CPXM2: variants seen among roughly 807,000 people sequenced by gnomAD.
CPXM2 encodes the protein inactive carboxypeptidase-like protein X2.
A neutral mutation model predicts 86.1 loss-of-function variants in CPXM2; 66 were observed. The observed-to-expected ratio is 0.77, with a 90% confidence interval of 0.63 to 0.94. The LOEUF (loss-of-function observed/expected upper bound fraction) is 0.94, where lower values mean the gene tolerates loss of function less well. Ranked by LOEUF, CPXM2 falls within the 40% of genes least tolerant of loss-of-function variation. The pLI is 0.00. For missense variants in CPXM2, 948 were observed against 1,026.3 expected (o/e 0.92, Z 1.04); for synonymous variants, 388 against 400.2 (o/e 0.97, Z 0.36).
upstream of CPXM2, among the ~76,000 whole-genome samples, chr10:123,895,115 TTTTTTC>T (rs1190958650): frequency 1.2e-3 from 142 of 122,630 alleles, no homozygotes; most frequent in African/African-American, 3.6e-3. Flanking sequence ...TTTTTTTCTT[TTTTTTC>T]TTTTTTTTTT....
Position 123,840,842 on chromosome 10 carries a change from A to T in CPXM2, c.653+1507T>A, listed in dbSNP as rs61863841. Among the ~76,000 whole-genome samples, 1,407 of 152,338 alleles carry T rather than the reference A, an allele frequency of 9.2e-3. 9 individuals are homozygous for T. The highest frequency in any genetic ancestry group is 0.015 in the Non-Finnish European group (1,004 of 68,032). On this transcript the variant is annotated intron_variant, in intron 4 of 13. Coordinates refer to ENST00000241305, the MANE Select transcript of CPXM2 (RefSeq NM_198148.3). Reference sequence around the variant, plus strand: ...GGGACAATGACAGGTGGTTAAATGTAAGCACAGATGCCAGGTCCATCTCAC... The same window carrying T: ...GGGACAATGACAGGTGGTTAAATGTTAGCACAGATGCCAGGTCCATCTCAC...
intron 1 of CPXM2, among the ~76,000 whole-genome samples, chr10:123,881,251 CCCTTCCCTTCCCTTT>C (rs1945087097): frequency 8.1e-6 from 1 of 123,950 alleles, no homozygotes; most frequent in East Asian, 2.0e-4. Flanking sequence ...CCCTTCCCTT[CCCTTCCCTTCCCTTT>C]ACGCTCAAGC....
Position 123,884,296 on chromosome 10 carries a change from C to A in CPXM2, c.305-3987G>T, listed in dbSNP as rs376742935. Among the ~76,000 whole-genome samples, 3 of 152,318 alleles carry A rather than the reference C, an allele frequency of 2.0e-5. No homozygotes were observed. In the East Asian group the frequency reaches 5.8e-4, roughly 29 times the overall value. ...CAGAATTGCAGCATTAAGGCTAAAT[C>A]ACCACAAACACACCAGATCTGCTGG... On this transcript the variant is annotated intron_variant, in intron 1 of 13. Coordinates refer to ENST00000241305, the MANE Select transcript of CPXM2 (RefSeq NM_198148.3).
intron 2 of CPXM2, among the ~76,000 whole-genome samples, chr10:123,868,948 G>A (rs2134209281): frequency 6.6e-6 from 1 of 152,250 alleles, no homozygotes; most frequent in African/African-American, 2.4e-5. Context: ...TCTGGTCCAA[G>A]GACCTGTCAA....
Position 123,891,462 on chromosome 10 carries a change from C to G in CPXM2, c.198G>C (p.Gly66=). The change falls in exon 1 of 14, where the codon GGG becomes GGC. Residue 66 remains glycine (G), a synonymous_variant. Transcript: ENST00000241305. This position sits in a 1 kb window ranked among gnomAD's most constrained non-coding sequence, Gnocchi z 5.6. ...TFSPPLPAGP[G]EEWERRPQEP... The stretch of plus-strand genomic sequence containing the variant: ...CCTGCGGGCGCCGCTCCCACTCCTC[C>G]CCGGGCCCCGCAGGCAGCGGCGGAG... 1 of 1,550,092 alleles carries G rather than the reference C, an allele frequency of 6.5e-7. No individual in the cohort carries two copies. Among genetic ancestry groups the G allele is most frequent in the Non-Finnish European group, 8.7e-7 (1 of 1,146,544 alleles).
Position 123,754,611 on chromosome 10 carries a change from A to T in CPXM2, c.2017+52T>A, listed in dbSNP as rs561237317. On this transcript the variant is annotated intron_variant, in intron 13 of 13. Transcript: ENST00000241305. The surrounding 1 kb of genome is among the most constrained non-coding windows in gnomAD (Gnocchi z 4.0). ...TGATTGTAACCCAAGTAAAATGCCT[A>T]AAAAAATGGGTATTTCTTACCAAGA... 24 of 991,668 alleles carry T rather than the reference A, an allele frequency of 2.4e-5. No individual in the cohort carries two copies. Among genetic ancestry groups the T allele is most frequent in the East Asian group, 2.2e-4 (9 of 41,500 alleles). The allele number at this position is 991,668 out of a possible 1,614,324, so 61.4% of individuals were successfully genotyped here.
intron 6 of CPXM2, among the ~76,000 whole-genome samples, chr10:123,797,362 T>C (rs1178330269): frequency 1.3e-5 from 2 of 152,224 alleles, no homozygotes; most frequent in East Asian, 1.9e-4. Context: ...TTTTCTTTTT[T>C]CTCACTTCTG....
chr10:123,758,833 G>A (rs370775821), intron 11 of CPXM2, among the ~76,000 whole-genome samples: 25 of 152,284 alleles, frequency 1.6e-4, no homozygotes, highest in African/African-American at 4.8e-4. Flanking sequence ...AAGCAGGAGT[G>A]TTCTGTGCCT....
chr10:123,838,020 T>TA (rs1216165665), intron 4 of CPXM2, among the ~76,000 whole-genome samples: 3 of 152,230 alleles, frequency 2.0e-5, no homozygotes, highest in African/African-American at 7.2e-5. Context: ...TCCACTAGAC[T>TA]GAAAGCTCCC....
At chr10:123,781,492 C>G (rs1846932971) in intron 6 of CPXM2, among the ~76,000 whole-genome samples, 2 of 152,154 alleles carry the variant, frequency 1.3e-5, no homozygotes, top group Non-Finnish European at 1.5e-5. Flanking sequence ...AAATGTGGTG[C>G]ATTTTCTGCT....
intron 12 of CPXM2, among the ~76,000 whole-genome samples, 199 bp downstream of exon 12, chr10:123,757,014 G>C (rs1474810110): frequency 6.6e-6 from 1 of 152,196 alleles, no homozygotes; most frequent in Non-Finnish European, 1.5e-5. Flanking sequence ...AGGCCAGTGG[G>C]GACAATGACC....
chr10:123,791,839 C>G (rs1440090512), intron 6 of CPXM2, among the ~76,000 whole-genome samples: 2 of 152,218 alleles, frequency 1.3e-5, no homozygotes, highest in Non-Finnish European at 2.9e-5. Context: ...CAGCCTGGTG[C>G]AGTCAGTCGT....
chr10:123,935,361 G>A (rs1411230514), intron 2 of CPXM2, among the ~76,000 whole-genome samples: 1 of 152,114 alleles, frequency 6.6e-6, no homozygotes, highest in African/African-American at 2.4e-5. Context: ...TTAGTGGCTG[G>A]GAAAAGGCAA....
Position 123,885,736 on chromosome 10 carries a change from T to C in CPXM2, c.305-5427A>G, listed in dbSNP as rs1315384490. ...CAGAGGGCAGAGCCATTGCTGGAGA[T>C]GCCAAGCCTGAATGCTCAGGCTCCC... On this transcript the variant is annotated intron_variant, in intron 1 of 13. Coordinates refer to ENST00000241305, the MANE Select transcript of CPXM2 (RefSeq NM_198148.3). The surrounding 1 kb of genome is among the most constrained non-coding windows in gnomAD (Gnocchi z 4.0). Among the ~76,000 whole-genome samples, 1 of 152,170 alleles carries C rather than the reference T, an allele frequency of 6.6e-6. No homozygotes were observed. Among genetic ancestry groups the C allele is most frequent in the Admixed American group, 6.5e-5 (1 of 15,286 alleles).
At chr10:123,792,645 G>A (rs1847231118) in intron 6 of CPXM2, among the ~76,000 whole-genome samples, 1 of 152,224 alleles carries the variant, frequency 6.6e-6, no homozygotes, top group Non-Finnish European at 1.5e-5. Flanking sequence ...AGGCTAGACT[G>A]AGGAGGAAGG....
In CPXM2 at chr10:123,763,043, TTTTA is replaced by T. The variant is rs10676639; in HGVS notation, c.1480-878_1480-875del. Among the ~76,000 whole-genome samples the T allele has an allele frequency of 2.6e-5, 4 of 152,092 alleles. No individual in the cohort carries two copies. The East Asian group carries it at 5.8e-4, about 22-fold the overall frequency. On this transcript the variant is annotated intron_variant, in intron 10 of 13. Coordinates refer to ENST00000241305, the MANE Select transcript of CPXM2 (RefSeq NM_198148.3). ...TGGTCTGTGCTTGGTCCCCCTCTGG[TTTTA>T]TTTATTTATTTCACACGGAGTCTTG...
intron 3 of CPXM2, among the ~76,000 whole-genome samples, chr10:123,857,084 G>A (rs746932596): frequency 6.6e-6 from 1 of 152,228 alleles, no homozygotes; most frequent in South Asian, 2.1e-4. Context: ...GTGAGGGGCC[G>A]AACTTTTGCT....
intron 2 of CPXM2, among the ~76,000 whole-genome samples, chr10:123,867,034 G>T (rs148989750): frequency 6.6e-6 from 1 of 152,172 alleles, no homozygotes; most frequent in Non-Finnish European, 1.5e-5. Context: ...GCCATGCCCC[G>T]CAGTAGGCAT....
chr10:123,760,453 C>T (rs1054943106), intron 11 of CPXM2, among the ~76,000 whole-genome samples: 1 of 152,062 alleles, frequency 6.6e-6, no homozygotes, highest in Non-Finnish European at 1.5e-5. Flanking sequence ...AAGGGAAAAA[C>T]TTCAAGCTTT....
Sources: allele counts gnomAD v4.1 joint callset (sites outside exome capture counted in the v4.1 genomes callset), GRCh38; gene constraint gnomAD v4.1.1; non-coding constraint Gnocchi (gnomAD v3.1); transcripts MANE v1.5; gene names NCBI Gene and HGNC (gene_info 2026-07-23, HGNC 2026-07-21).